PPP6C: variants seen among roughly 807,000 people sequenced by gnomAD.
PPP6C encodes protein phosphatase 6 catalytic subunit.
Under a neutral mutation model 39.8 loss-of-function variants are expected in PPP6C, and 11 were observed. That is an observed-to-expected ratio of 0.28 (90% CI 0.17 to 0.46). The LOEUF (loss-of-function observed/expected upper bound fraction) is 0.46, where lower values mean the gene tolerates loss of function less well. PPP6C is among the 20% of genes least tolerant of loss of function. The pLI is 1.00. For synonymous variants in PPP6C, 129 were observed against 130.3 expected (o/e 0.99, Z 0.07); for missense variants, 211 against 373.9 (o/e 0.56, Z 3.59).
chr9:125,181,726 A>C (rs1203143124), intron 1 of PPP6C, among the ~76,000 whole-genome samples: 1 of 152,198 alleles, frequency 6.6e-6, no homozygotes, highest in Non-Finnish European at 1.5e-5. Context: ...AGCTAGTTCC[A>C]AGTCTTTGCT....
At position 125,148,463 on chromosome 9, in the gene PPP6C, C is replaced by A. The variant is rs576722847; in HGVS notation, c.*1210G>T. 1 of 151,910 alleles carries A rather than the reference C, an allele frequency of 6.6e-6. No individual in the cohort carries two copies. Among genetic ancestry groups the A allele is most frequent in the African/African-American group, 2.4e-5 (1 of 41,334 alleles). 9.4% of individuals were successfully genotyped at this position (151,910 alleles called of 1,614,324 possible). A position where few individuals can be genotyped will look rare whatever the true frequency, so the allele number is the denominator to read the frequency against. On this transcript the variant is annotated 3_prime_UTR_variant, in exon 7 of 7. Coordinates refer to ENST00000373547, the MANE Select transcript of PPP6C (RefSeq NM_002721.5). ...CCTTTGGATATTCAAATTACTTACA[C>A]AAAGCTGAAATATGGTATCACAGAC... is the stretch of plus-strand genomic sequence containing the variant.
intron 1 of PPP6C, among the ~76,000 whole-genome samples, chr9:125,173,481 G>A (rs1829222163): frequency 6.6e-6 from 1 of 150,910 alleles, no homozygotes; most frequent in African/African-American, 2.4e-5. Flanking sequence ...GGGAGGATGA[G>A]GCAAGAGAAT....
intron 1 of PPP6C, among the ~76,000 whole-genome samples, chr9:125,186,590 AT>A (rs1256260465): frequency 1.3e-5 from 2 of 151,766 alleles, no homozygotes; most frequent in Non-Finnish European, 2.9e-5. Context: ...TACCAAAAAA[AT>A]AAATAAAAAT....
chr9:125,164,979 C>T lies in PPP6C; in HGVS notation c.172-4073G>A, dbSNP rs368848522. Among the ~76,000 whole-genome samples the T allele has an allele frequency of 9.4e-4, 142 of 151,808 alleles. 1 individual carries two copies. Among genetic ancestry groups the T allele is most frequent in the African/African-American group, 3.3e-3 (136 of 41,410 alleles). On this transcript the variant is annotated intron_variant, in intron 2 of 6. Coordinates refer to ENST00000373547, the MANE Select transcript of PPP6C (RefSeq NM_002721.5). The stretch of plus-strand genomic sequence containing the variant: ...GTCTTGATCTCTTGACCTCGTGATC[C>T]GCCCGCCTCGGCCTCCCACAGTGCT...
chr9:125,173,862 C>G (rs1322016240), intron 1 of PPP6C, among the ~76,000 whole-genome samples: 1 of 152,034 alleles, frequency 6.6e-6, no homozygotes, highest in African/African-American at 2.4e-5. Context: ...ATGATCCACC[C>G]GCCTCGGCCT....
chr9:125,156,922 C>T (rs184493058), intron 4 of PPP6C, among the ~76,000 whole-genome samples: 13 of 152,110 alleles, frequency 8.5e-5, no homozygotes, highest in Non-Finnish European at 1.8e-4. Context: ...AATCAATTCT[C>T]CCTGCCTCAG....
intron 1 of PPP6C, among the ~76,000 whole-genome samples, chr9:125,177,879 T>C (rs1347220250): frequency 3.3e-5 from 5 of 152,240 alleles, no homozygotes; most frequent in Non-Finnish European, 7.3e-5. Flanking sequence ...TTTCCCAAAA[T>C]GTCATATAGT....
rs1246221500 is a variant in PPP6C, at chr9:125,171,965, A to G, written c.76-785T>C. The G allele has an allele frequency of 8.6e-6, 4 of 467,340 alleles. No homozygotes were observed. In the Admixed American group the frequency reaches 9.4e-5, roughly 11 times the overall value. The allele number at this position is 467,340 out of a possible 1,614,324, so 28.9% of individuals were successfully genotyped here. A position where few individuals can be genotyped will look rare whatever the true frequency, so the allele number is the denominator to read the frequency against. ...AAAAACATGTTCAAAATCTGTATAT[A>G]AATACTCGCAGAAGCCTAATGCATC... On this transcript the variant is annotated intron_variant, in intron 1 of 6. Transcript: ENST00000373547.
At chr9:125,151,543 T>C (rs1477915052) in intron 6 of PPP6C, 1 of 823,862 alleles carries the variant, frequency 1.2e-6, no homozygotes, top group Admixed American at 1.7e-5. Context: ...TCAGGAAAAT[T>C]CACAATGAAG....
intron 2 of PPP6C, among the ~76,000 whole-genome samples, chr9:125,170,087 T>C (rs1055968056): frequency 2.6e-5 from 4 of 152,188 alleles, no homozygotes; most frequent in Non-Finnish European, 5.9e-5. Flanking sequence ...TTAAGTCTTA[T>C]GGCCCCAACT....
At chr9:125,164,292 T>A (rs1417185468) in intron 2 of PPP6C, among the ~76,000 whole-genome samples, 1 of 132,008 alleles carries the variant, frequency 7.6e-6, no homozygotes, top group Non-Finnish European at 1.6e-5. Flanking sequence ...AGTGGTGCAA[T>A]CTCAGCTCAC....
chr9:125,184,113 C>A (rs1194936782), intron 1 of PPP6C, among the ~76,000 whole-genome samples: 1 of 151,956 alleles, frequency 6.6e-6, no homozygotes, highest in Non-Finnish European at 1.5e-5. Context: ...TTTTGCCAGG[C>A]GCGGTGGCTA....
At chr9:125,171,656 C>A (rs899701918) in intron 1 of PPP6C, among the ~76,000 whole-genome samples, 4 of 150,970 alleles carry the variant, frequency 2.6e-5, no homozygotes, top group African/African-American at 9.7e-5. Flanking sequence ...CAGATTCAAG[C>A]AATTTTCCTG....
In PPP6C at chr9:125,147,894, T is replaced by C. The variant is rs767801980; in HGVS notation, c.*1779A>G. ...TTCCAGTGTTTCACAATTAGTAAAA[T>C]ACATAGCTACATATCCCTGTGAGAT... On this transcript the variant is annotated 3_prime_UTR_variant, in exon 7 of 7. Coordinates refer to ENST00000373547, the MANE Select transcript of PPP6C (RefSeq NM_002721.5). The C allele has an allele frequency of 5.4e-6, 1 of 185,906 alleles. No individual in the cohort carries two copies. Among genetic ancestry groups the C allele is most frequent in the Non-Finnish European group, 1.1e-5 (1 of 88,624 alleles). 11.5% of individuals were successfully genotyped at this position (185,906 alleles called of 1,614,324 possible).
chr9:125,188,738 C>T (rs1829587296), intron 1 of PPP6C, among the ~76,000 whole-genome samples: 1 of 151,082 alleles, frequency 6.6e-6, no homozygotes, highest in South Asian at 2.1e-4. Flanking sequence ...GAGCCAAGAT[C>T]GCACCGCTGC....
At chr9:125,173,989 C>G (rs1013962475) in intron 1 of PPP6C, among the ~76,000 whole-genome samples, 5 of 152,108 alleles carry the variant, frequency 3.3e-5, no homozygotes, top group Admixed American at 2.0e-4. Flanking sequence ...AGTAATCAAA[C>G]CAAAAAATGT....
intron 4 of PPP6C, among the ~76,000 whole-genome samples, chr9:125,155,477 T>G (rs1836045886): frequency 6.6e-6 from 1 of 152,208 alleles, no homozygotes; most frequent in Non-Finnish European, 1.5e-5. Context: ...GATCTTGAAC[T>G]TGGCTCAATA....
In PPP6C at chr9:125,149,248, A is replaced by T. The variant is rs1835879649; in HGVS notation, c.*425T>A. On this transcript the variant is annotated 3_prime_UTR_variant, in exon 7 of 7. Coordinates refer to ENST00000373547, the MANE Select transcript of PPP6C (RefSeq NM_002721.5). ...ATTTGGAGTCCATCGTGCCCACTGAATAACAACTTTGCTGCTGAAATTTCT... is the reference window on the plus strand; with the variant it reads ...ATTTGGAGTCCATCGTGCCCACTGATTAACAACTTTGCTGCTGAAATTTCT... The T allele has an allele frequency of 6.4e-6, 1 of 156,670 alleles. No individual in the cohort carries two copies. The highest frequency in any genetic ancestry group is 1.4e-5 in the Non-Finnish European group (1 of 70,832). The allele number at this position is 156,670 out of a possible 1,614,324, so 9.7% of individuals were successfully genotyped here.
intron 1 of PPP6C, among the ~76,000 whole-genome samples, chr9:125,183,474 C>G (rs1829460711): frequency 6.6e-6 from 1 of 152,188 alleles, no homozygotes; most frequent in South Asian, 2.1e-4. Context: ...TAGTTAGCTA[C>G]ATTTTAAACA....
Sources: allele counts gnomAD v4.1 joint callset (sites outside exome capture counted in the v4.1 genomes callset), GRCh38; gene constraint gnomAD v4.1.1; transcripts MANE v1.5; gene names NCBI Gene and HGNC (gene_info 2026-07-23, HGNC 2026-07-21).